ERG: variants seen among roughly 807,000 people sequenced by gnomAD.
The protein encoded by ERG is ETS transcription factor ERG.
A neutral mutation model predicts 55.3 loss-of-function variants in ERG; 9 were observed. The ratio of observed to expected loss-of-function variants is 0.16; its 90% confidence interval spans 0.10 to 0.28. The LOEUF (loss-of-function observed/expected upper bound fraction) is 0.28. Ranked by LOEUF, ERG falls within the 10% of genes least tolerant of loss-of-function variation. The pLI is 1.00. For missense variants in ERG, 434 were observed against 631.6 expected, an observed-to-expected ratio of 0.69 and a Z score of 3.35; for synonymous variants, 223 against 237.3, an observed-to-expected ratio of 0.94 and a Z score of 0.55.
chr21:38,540,982 C>A (rs185913565), intron 2 of ERG, among the ~76,000 whole-genome samples: 1 of 152,056 alleles, frequency 6.6e-6, no homozygotes, highest in Admixed American at 6.5e-5. Context: ...TGCCTTTGAG[C>A]GCTTGGGTGG....
At chr21:38,597,871 A>T (rs1476649369) in intron 1 of ERG, among the ~76,000 whole-genome samples, 1 of 152,244 alleles carries the variant, frequency 6.6e-6, no homozygotes, top group East Asian at 1.9e-4. Flanking sequence ...TTATAAAATC[A>T]TATAATTTAG....
intron 2 of ERG, among the ~76,000 whole-genome samples, chr21:38,504,065 C>T (rs1480327401): frequency 1.3e-5 from 2 of 152,024 alleles, no homozygotes; most frequent in Admixed American, 6.6e-5. Context: ...TGCCATATCC[C>T]CCAGCAGCAC....
chr21:38,642,546 C>T (rs572451407), intron 1 of ERG, among the ~76,000 whole-genome samples: 4 of 152,294 alleles, frequency 2.6e-5, no homozygotes, highest in African/African-American at 9.6e-5. Flanking sequence ...AAGTCTCCAG[C>T]GTGAAGAACA....
At chr21:38,590,404 G>A (rs780114109) in intron 1 of ERG, among the ~76,000 whole-genome samples, 13 of 152,140 alleles carry the variant, frequency 8.5e-5, no homozygotes, top group Non-Finnish European at 1.6e-4. Context: ...GCACGCTGCA[G>A]GGAAAGAGTC....
rs1261589829 is a variant in ERG at position 38,534,265 on chromosome 21, C to T, written c.-41+41397G>A. ...TAAGTCATTACTGACAAGAAAAAAACAATTTGTGATTTTTTTTAATGTCAC... is the reference window on the plus strand; with the variant it reads ...TAAGTCATTACTGACAAGAAAAAAATAATTTGTGATTTTTTTTAATGTCAC... On this transcript the variant is annotated intron_variant, in intron 2 of 8. Transcript: ENST00000398897. 2.0e-5 allele frequency among the ~76,000 whole-genome samples: 3 copies of T among 152,038 alleles called. No individual in the cohort carries two copies. In the East Asian group the frequency reaches 5.8e-4, roughly 29 times the overall value.
At chr21:38,497,216 C>G (rs931213098) in intron 1 of ERG, among the ~76,000 whole-genome samples, 2 of 152,188 alleles carry the variant, frequency 1.3e-5, no homozygotes, top group African/African-American at 4.8e-5. Flanking sequence ...TCTTCTAATA[C>G]AAACATTTCA....
intron 2 of ERG, among the ~76,000 whole-genome samples, chr21:38,427,379 C>T (rs1989883793): frequency 6.6e-6 from 1 of 152,176 alleles, no homozygotes. Context: ...CCAGGTTTCT[C>T]TTGCAAATTT....
chr21:38,630,484 T>C (rs781387853), intron 1 of ERG, among the ~76,000 whole-genome samples: 14 of 152,140 alleles, frequency 9.2e-5, no homozygotes, highest in Non-Finnish European at 1.8e-4. Flanking sequence ...ACAAGGGCAC[T>C]CCTCTACCTG....
At chr21:38,414,915 C>T (rs1569078484) in intron 3 of ERG, among the ~76,000 whole-genome samples, 1 of 152,060 alleles carries the variant, frequency 6.6e-6, no homozygotes, top group Non-Finnish European at 1.5e-5. Context: ...TCAAGAAAAA[C>T]AGATAACATC....
At chr21:38,503,472 C>T (rs552156003), upstream of ERG, among the ~76,000 whole-genome samples, 1 of 151,868 alleles carries the variant, frequency 6.6e-6, no homozygotes, top group African/African-American at 2.4e-5. Context: ...TGGCCTTTTC[C>T]TGCCAGGAAC....
At chr21:38,426,658 T>C (rs1371440415) in intron 2 of ERG, among the ~76,000 whole-genome samples, 1 of 152,210 alleles carries the variant, frequency 6.6e-6, no homozygotes, top group East Asian at 1.9e-4. Flanking sequence ...AGGCCAGGTG[T>C]GGTGACTCAC....
At chr21:38,423,981 AAAAAGAAAAG>A (rs56340509) in intron 2 of ERG, among the ~76,000 whole-genome samples, 5 of 150,254 alleles carry the variant, frequency 3.3e-5, no homozygotes, top group African/African-American at 9.8e-5. Context: ...TCTCAAAACA[AAAAAGAAAAG>A]AAAAGAAAAG....
chr21:38,447,316 C>A (rs536294372), intron 1 of ERG, among the ~76,000 whole-genome samples: 15 of 151,858 alleles, frequency 9.9e-5, no homozygotes, highest in African/African-American at 3.6e-4. Flanking sequence ...CCATAAGTAT[C>A]TGTAGAATTA....
At chr21:38,394,957 A>G (rs1988138255) in intron 6 of ERG, among the ~76,000 whole-genome samples, 1 of 152,230 alleles carries the variant, frequency 6.6e-6, no homozygotes, top group African/African-American at 2.4e-5. Context: ...ATGCCGAACT[A>G]CTATTCCCAA....
At chr21:38,594,624 G>A (rs2060120424) in intron 1 of ERG, among the ~76,000 whole-genome samples, 1 of 152,186 alleles carries the variant, frequency 6.6e-6, no homozygotes, top group Admixed American at 6.5e-5. Flanking sequence ...AGCTGCTCCA[G>A]TAAGAAGAAC....
In ERG at chr21:38,381,038, C is replaced by T; in HGVS notation, c.*2365G>A. ...TAAGGAGATACGGGCACTTTGTGGG[C>T]CTTCCCAGGCTGCTGCAAAATGATG... On this transcript the variant is annotated 3_prime_UTR_variant, in exon 10 of 10. Coordinates refer to ENST00000288319, the MANE Select transcript of ERG (RefSeq NM_182918.4). The T allele has an allele frequency of 9.4e-7, 1 of 1,064,430 alleles. No individual in the cohort carries two copies. The highest frequency in any genetic ancestry group is 4.6e-5 in the South Asian group (1 of 21,956). 65.9% of individuals were successfully genotyped at this position (1,064,430 alleles called of 1,614,324 possible).
At chr21:38,543,737 C>CT (rs542648278) in intron 2 of ERG, among the ~76,000 whole-genome samples, 51,114 of 133,284 alleles carry the variant, frequency 0.38, 10,609 homozygotes, top group African/African-American at 0.51. Flanking sequence ...GTGAGAAACA[C>CT]TTTTTTTTTT....
chr21:38,521,425 A>ACATC (rs550228399), intron 2 of ERG, among the ~76,000 whole-genome samples: 55 of 152,270 alleles, frequency 3.6e-4, no homozygotes, highest in African/African-American at 1.3e-3. Flanking sequence ...TCCTTATTTC[A>ACATC]CATCTAAAAC....
At chr21:38,395,075 G>A (rs1988146302) in intron 6 of ERG, among the ~76,000 whole-genome samples, 1 of 152,144 alleles carries the variant, frequency 6.6e-6, no homozygotes, top group Non-Finnish European at 1.5e-5. Context: ...CTACTTTTCA[G>A]CCAAGTATTT....
Sources: gnomAD v4.1 joint callset for allele counts (sites outside exome capture counted in the v4.1 genomes callset) on GRCh38, gnomAD v4.1.1 for gene constraint, MANE v1.5 for transcripts, NCBI Gene and HGNC (gene_info 2026-07-23, HGNC 2026-07-21) for gene names.